Variants in ANKRD26 observed in about 807,000 individuals in gnomAD.
The protein encoded by ANKRD26 is ankyrin repeat domain-containing protein 26.
A neutral mutation model predicts 208.7 loss-of-function variants in ANKRD26; 141 were observed. That is an observed-to-expected ratio of 0.68 (90% CI 0.59 to 0.78). ANKRD26 has a LOEUF of 0.78. Among genes scored for constraint, ANKRD26 ranks in the 30% least tolerant of loss-of-function variants. ANKRD26 has a pLI of 0.00. For missense variants in ANKRD26, 1,889 were observed against 1,938.7 expected (o/e 0.97, Z 0.48); for synonymous variants, 636 against 660.4 (o/e 0.96, Z 0.57).
chr10:27,017,606 T>C lies in ANKRD26; in HGVS notation c.4402A>G (p.Asn1468Asp). Residue 1468 changes from asparagine to aspartate, a missense_variant, in exon 30 of 34, where the codon AAT (asparagine) becomes GAT (aspartate). This residue lies in a region of ANKRD26 where 613 missense variants were observed against 648.2 expected (regional missense o/e 0.95). Coordinates refer to ENST00000376087, the MANE Select transcript of ANKRD26 (RefSeq NM_014915.3). ...VINLRSHIER[N>D]MVELGQVKQY... Reference sequence around the variant, plus strand: ...TTGACTTGACCAAGTTCTACCATATTCCTTTCTATATGACTTCTCAGGTTG... The same window carrying C: ...TTGACTTGACCAAGTTCTACCATATCCCTTTCTATATGACTTCTCAGGTTG... 1 of 1,613,704 alleles carries C rather than the reference T, an allele frequency of 6.2e-7. No homozygotes were observed. The highest frequency in any genetic ancestry group is 8.5e-7 in the Non-Finnish European group (1 of 1,179,828).
chr10:26,947,649 G>T, the ANKRD26 span, among the ~76,000 whole-genome samples: 1 of 152,164 alleles, frequency 6.6e-6, no homozygotes, highest in African/African-American at 2.4e-5. Context: ...TTATCATAGA[G>T]CCAAATTCTC....
intron 29 of ANKRD26, among the ~76,000 whole-genome samples, chr10:27,021,442 C>T (rs2053484930): frequency 1.3e-5 from 2 of 152,170 alleles, no homozygotes; most frequent in South Asian, 2.1e-4. Context: ...TGCAGCCTTG[C>T]TGGCATTTGT....
At position 27,005,618 on chromosome 10, in the gene ANKRD26, T is replaced by A; in HGVS notation, c.5105A>T (p.Gln1702Leu). The change falls in exon 34 of 34, where the codon CAG (glutamine) becomes CTG (leucine). Residue 1702 changes from glutamine (Q) to leucine (L), a missense_variant. Around this residue, in one of 3 missense-constraint regions of ANKRD26, gnomAD observed 613 missense variants for 648.2 expected, o/e 0.95. Transcript: ENST00000376087. ...LVWKASREYVQVLKKNYMI is the reference protein window; with the variant it reads ...LVWKASREYVLVLKKNYMI ...GATCATATAATTTTTCTTTAAAACC[T>A]GTACATATTCTCTTGATGCTTTCCA... 1 of 1,612,794 alleles carries A rather than the reference T, an allele frequency of 6.2e-7. No individual in the cohort carries two copies. Among genetic ancestry groups the A allele is most frequent in the Non-Finnish European group, 8.5e-7 (1 of 1,179,236 alleles).
chr10:27,081,433 G>C, intron 6 of ANKRD26, among the ~76,000 whole-genome samples: 1 of 151,924 alleles, frequency 6.6e-6, no homozygotes, highest in East Asian at 1.9e-4. Flanking sequence ...ATATTAACCT[G>C]TAGGATGATA....
chr10:27,059,324 G>A (rs938282046), intron 15 of ANKRD26, among the ~76,000 whole-genome samples: 8 of 152,100 alleles, frequency 5.3e-5, no homozygotes, highest in African/African-American at 9.7e-5. Flanking sequence ...GTGTCGATAC[G>A]GGTAGATCTG....
chr10:27,086,681 C>G, intron 4 of ANKRD26, 72 bp from the exon 5 acceptor site: 3 of 1,485,574 alleles, frequency 2.0e-6, no homozygotes, highest in Non-Finnish European at 2.7e-6. Context: ...ATCTCAAAAT[C>G]TTGAGTATTT....
chr10:26,954,992 C>G, the ANKRD26 span, among the ~76,000 whole-genome samples: 5 of 150,054 alleles, frequency 3.3e-5, no homozygotes, highest in African/African-American at 1.2e-4. Flanking sequence ...TTATTTATGT[C>G]TCTTGTCCAT....
intron 28 of ANKRD26, among the ~76,000 whole-genome samples, chr10:27,023,500 A>G (rs1186463787): frequency 6.6e-6 from 1 of 152,130 alleles, no homozygotes; most frequent in Non-Finnish European, 1.5e-5. Flanking sequence ...CAAAGTAGAT[A>G]AGAGACAGGA....
chr10:27,071,271 T>C (rs1178464821), intron 9 of ANKRD26, among the ~76,000 whole-genome samples: 1 of 146,364 alleles, frequency 6.8e-6, no homozygotes, highest in African/African-American at 2.5e-5. Context: ...GTTCACGCCA[T>C]TCTCCTGCCT....
intron 7 of ANKRD26, 138 bp downstream of exon 7, chr10:27,078,951 T>A: frequency 1.7e-6 from 1 of 582,094 alleles, no homozygotes; most frequent in East Asian, 3.1e-5. Context: ...GCCATATTTC[T>A]ATAAAATGGC....
In ANKRD26 at chr10:27,005,366, T is replaced by G; in HGVS notation, c.*224A>C. The G allele has an allele frequency of 8.0e-7, 1 of 1,255,680 alleles. No individual in the cohort carries two copies. 77.8% of individuals were successfully genotyped at this position (1,255,680 alleles called of 1,614,324 possible). A position where few individuals can be genotyped will look rare whatever the true frequency, so the allele number is the denominator to read the frequency against. On this transcript the variant is annotated 3_prime_UTR_variant, in exon 34 of 34. Coordinates refer to ENST00000376087, the MANE Select transcript of ANKRD26 (RefSeq NM_014915.3). ...GGTTTGGCTGTTTAAACAGCTCACA[T>G]TTGGGCAGTTTGAGTATGTAAAACT...
intron 3 of ANKRD26, among the ~76,000 whole-genome samples, chr10:26,985,051 T>A (rs746098213): frequency 1.3e-5 from 2 of 152,142 alleles, no homozygotes; most frequent in Admixed American, 6.6e-5. Flanking sequence ...CCAACTGCCA[T>A]CGCTGTTGCT....
In ANKRD26 at chr10:27,092,119, T is replaced by C. The variant is rs777042135; in HGVS notation, c.638+287A>G. Among the ~76,000 whole-genome samples the C allele has an allele frequency of 2.0e-5, 3 of 152,200 alleles. 1 individual carries two copies. Among genetic ancestry groups the C allele is most frequent in the East Asian group, 3.8e-4 (2 of 5,206 alleles). The stretch of plus-strand genomic sequence containing the variant: ...ACAAATAACAAACATCAGTCAATAT[T>C]ATAAGAGAAGATGAATCCTACTGTA... On this transcript the variant is annotated intron_variant, in intron 4 of 33. Coordinates refer to ENST00000376087, the MANE Select transcript of ANKRD26 (RefSeq NM_014915.3).
intron 1 of ANKRD26, among the ~76,000 whole-genome samples, chr10:27,095,707 A>G (rs1401696147): frequency 6.6e-6 from 1 of 152,192 alleles, no homozygotes; most frequent in African/African-American, 2.4e-5. Flanking sequence ...AAAAGCTTCA[A>G]TTGAGATTGC....
At chr10:27,082,954 A>G in intron 5 of ANKRD26, 121 bp from the exon 6 acceptor site, 1 of 1,303,694 alleles carries the variant, frequency 7.7e-7, no homozygotes, top group Non-Finnish European at 1.0e-6. Flanking sequence ...GGAGACTATA[A>G]TAGAATTAAT....
chr10:27,045,458 C>A (rs1427425963), intron 18 of ANKRD26, among the ~76,000 whole-genome samples: 1 of 151,004 alleles, frequency 6.6e-6, no homozygotes, highest in East Asian at 1.9e-4. Flanking sequence ...ACTCAGCATA[C>A]ATGTCAATGA....
intron 15 of ANKRD26, among the ~76,000 whole-genome samples, chr10:27,058,999 C>A (rs928549776): frequency 5.3e-5 from 8 of 151,744 alleles, no homozygotes; most frequent in African/African-American, 1.9e-4. Flanking sequence ...ACTGCAAACT[C>A]CACCTCCCGG....
intron 6 of ANKRD26, among the ~76,000 whole-genome samples, chr10:27,082,038 A>G (rs375181374): frequency 1.1e-4 from 15 of 136,706 alleles, no homozygotes; most frequent in African/African-American, 3.2e-4. Flanking sequence ...GCCCAGCCCT[A>G]TGCAGTTATT....
chr10:27,028,956 T>C lies in ANKRD26; in HGVS notation c.3879-11A>G. The stretch of plus-strand genomic sequence containing the variant: ...TTATCTTTTTCAAGCCTGAAATGTA[T>C]ATTTTAAAATAATTATTCTCACAGA... On this transcript the variant is annotated splice_polypyrimidine_tract_variant and intron_variant, in intron 26 of 33. Coordinates refer to ENST00000376087, the MANE Select transcript of ANKRD26 (RefSeq NM_014915.3). 2.5e-6 allele frequency: 4 copies of C among 1,579,706 alleles called. No homozygotes were observed. Among genetic ancestry groups the C allele is most frequent in the South Asian group, 1.1e-5 (1 of 87,500 alleles).
Sources: gnomAD v4.1 joint callset for allele counts (sites outside exome capture counted in the v4.1 genomes callset) on GRCh38, gnomAD v4.1.1 for gene constraint, gnomAD v4.1.1 regional missense constraint, MANE v1.5 for transcripts, NCBI Gene and HGNC (gene_info 2026-07-23, HGNC 2026-07-21) for gene names.